Variants in PTGER1 observed in about 807,000 individuals in gnomAD.
The protein encoded by PTGER1 is prostaglandin E2 receptor EP1 subtype.
A neutral mutation model predicts 18.5 loss-of-function variants in PTGER1; 15 were observed. The observed-to-expected ratio is 0.81, with a 90% confidence interval of 0.54 to 1.25. The LOEUF (loss-of-function observed/expected upper bound fraction) is 1.25, where lower values mean the gene tolerates loss of function less well. Ranked by LOEUF, PTGER1 falls within the 50% of genes most tolerant of loss-of-function variation. The probability of loss-of-function intolerance (pLI) is 0.00; values close to 1 mark genes in which losing one functional copy is unlikely to be tolerated. For synonymous variants in PTGER1, 339 were observed against 308.4 expected (o/e 1.10, Z -1.04); for missense variants, 567 against 603.4 (o/e 0.94, Z 0.63).
chr19:14,472,828 T>A lies in PTGER1; in HGVS notation c.943-2A>T, dbSNP rs2071578188. Reference sequence around the variant, plus strand: ...GCCGACGGCCAGCGCCACCAACACCTGCGGGGGAAGCCGGTGTGAGCTATA... The same window carrying A: ...GCCGACGGCCAGCGCCACCAACACCAGCGGGGGAAGCCGGTGTGAGCTATA... On this transcript the variant is annotated splice_acceptor_variant, in intron 2 of 2. Coordinates refer to ENST00000292513, the MANE Select transcript of PTGER1 (RefSeq NM_000955.3). LOFTEE classifies it high-confidence loss of function. 6.5e-7 allele frequency: 1 copy of A among 1,548,022 alleles called. No individual in the cohort carries two copies. Among genetic ancestry groups the A allele is most frequent in the South Asian group, 1.2e-5 (1 of 84,330 alleles).
chr19:14,472,831 G>C lies in PTGER1; in HGVS notation c.943-5C>G. 3 of 1,546,728 alleles carry C rather than the reference G, an allele frequency of 1.9e-6. No homozygotes were observed. Among genetic ancestry groups the C allele is most frequent in the East Asian group, 2.4e-5 (1 of 41,154 alleles). ...GACGGCCAGCGCCACCAACACCTGC[G>C]GGGGAAGCCGGTGTGAGCTATAGAG... On this transcript the variant is annotated splice_polypyrimidine_tract_variant and splice_region_variant and intron_variant, in intron 2 of 2. Transcript: ENST00000292513.
rs2071582489 is a variant in PTGER1 at position 14,473,254 on chromosome 19, C to A, written c.942+125G>T. ...CTGGCTTTCGGGGCAGGTGGGGCCT[C>A]TAGGGGCCGGGGCCTTGGTTGAGTC... On this transcript the variant is annotated intron_variant, in intron 2 of 2. Coordinates refer to ENST00000292513, the MANE Select transcript of PTGER1 (RefSeq NM_000955.3). This position sits in a 1 kb window ranked among gnomAD's most constrained non-coding sequence, Gnocchi z 7.1. The A allele has an allele frequency of 6.8e-7, 1 of 1,460,228 alleles. No homozygotes were observed. The highest frequency in any genetic ancestry group is 2.6e-5 in the East Asian group (1 of 39,048). The allele number at this position is 1,460,228 out of a possible 1,614,324, so 90.5% of individuals were successfully genotyped here. A position where few individuals can be genotyped will look rare whatever the true frequency, so the allele number is the denominator to read the frequency against.
intron 2 of PTGER1, 50 bp from the exon 3 acceptor site, chr19:14,472,876 G>A (rs1431046209): frequency 4.7e-6 from 7 of 1,501,512 alleles, no homozygotes. Flanking sequence ...GCGCAGGGGG[G>A]CGCAGGGATG....
chr19:14,473,146 C>T lies in PTGER1; in HGVS notation c.942+233G>A, dbSNP rs2071581274. Among the ~76,000 whole-genome samples the T allele has an allele frequency of 6.7e-6, 1 of 150,254 alleles. No homozygotes were observed. Among genetic ancestry groups the T allele is most frequent in the Admixed American group, 6.6e-5 (1 of 15,102 alleles). ...GGCAGGAGAGGAGGCTTGTGTGGGTCGGGGTGCGCTACAAAGACCCCAAAA... is the reference window on the plus strand; with the variant it reads ...GGCAGGAGAGGAGGCTTGTGTGGGTTGGGGTGCGCTACAAAGACCCCAAAA... On this transcript the variant is annotated intron_variant, in intron 2 of 2. Coordinates refer to ENST00000292513, the MANE Select transcript of PTGER1 (RefSeq NM_000955.3). This position sits in a 1 kb window ranked among gnomAD's most constrained non-coding sequence, Gnocchi z 7.1.
At chr19:14,472,854 G>T in intron 2 of PTGER1, 28 bp from the exon 3 acceptor site, 1 of 1,528,070 alleles carries the variant, frequency 6.5e-7, no homozygotes, top group South Asian at 1.2e-5. Flanking sequence ...GTGAGCTATA[G>T]AGCAGGCGCG....
At chr19:14,475,046 G>C (rs1158742267) in intron 1 of PTGER1, among the ~76,000 whole-genome samples, 3 of 152,176 alleles carry the variant, frequency 2.0e-5, no homozygotes, top group Admixed American at 2.0e-4. Flanking sequence ...GCGGCCCCAC[G>C]ACCATCCACT....
chr19:14,472,508 C>T lies in PTGER1; in HGVS notation c.*52G>A, dbSNP rs2071574719. ...ATTCCCAAAGGCTCTGCGCCGCGCACCTGGGCCCAGCCCAGGGTGGGCTGG... is the reference window on the plus strand; with the variant it reads ...ATTCCCAAAGGCTCTGCGCCGCGCATCTGGGCCCAGCCCAGGGTGGGCTGG... On this transcript the variant is annotated 3_prime_UTR_variant, in exon 3 of 3. Coordinates refer to ENST00000292513, the MANE Select transcript of PTGER1 (RefSeq NM_000955.3). 6 of 1,490,914 alleles carry T rather than the reference C, an allele frequency of 4.0e-6. No homozygotes were observed. In the East Asian group the frequency reaches 1.4e-4, roughly 35 times the overall value. The allele number at this position is 1,490,914 out of a possible 1,614,324, so 92.4% of individuals were successfully genotyped here.
rs200062997 is a variant in PTGER1, at chr19:14,475,327, G to T, written c.-83C>A. 1.3e-5 allele frequency: 2 copies of T among 152,478 alleles called. No homozygotes were observed. The highest frequency in any genetic ancestry group is 4.8e-5 in the African/African-American group (2 of 41,470). The allele number at this position is 152,478 out of a possible 1,614,324, so 9.4% of individuals were successfully genotyped here. A position where few individuals can be genotyped will look rare whatever the true frequency, so the allele number is the denominator to read the frequency against. On this transcript the variant is annotated 5_prime_UTR_variant, in exon 1 of 3. Coordinates refer to ENST00000292513, the MANE Select transcript of PTGER1 (RefSeq NM_000955.3). ...TCAGCCCTGCCGCCCACTGCGCCCTGGCTCTCCGGCAAGCCGCTTCCTCCC... is the reference window on the plus strand; with the variant it reads ...TCAGCCCTGCCGCCCACTGCGCCCTTGCTCTCCGGCAAGCCGCTTCCTCCC...
chr19:14,473,868 G>T lies in PTGER1; in HGVS notation c.453C>A (p.Val151=). The T allele has an allele frequency of 8.2e-7, 1 of 1,222,550 alleles. No individual in the cohort carries two copies. Among genetic ancestry groups the T allele is most frequent in the Non-Finnish European group, 1.0e-6 (1 of 986,064 alleles). The allele number at this position is 1,222,550 out of a possible 1,614,324, so 75.7% of individuals were successfully genotyped here. Residue 151 remains valine, a synonymous_variant, in exon 2 of 3, where the codon GTC becomes GTA. Transcript: ENST00000292513. The surrounding 1 kb of genome is among the most constrained non-coding windows in gnomAD (Gnocchi z 7.1). ...RPLLHAARVS[V]ARARLALAAV... is the part of the protein sequence containing the mutation. Reference sequence around the variant, plus strand: ...CGGCCAGCGCCAGGCGCGCGCGGGCGACCGAGACCCGCGCGGCGTGGAGCA... The same window carrying T: ...CGGCCAGCGCCAGGCGCGCGCGGGCTACCGAGACCCGCGCGGCGTGGAGCA...
At position 14,473,654 on chromosome 19, in the gene PTGER1, T is replaced by C. The variant is rs1339398609; in HGVS notation, c.667A>G (p.Thr223Ala). 1.4e-6 allele frequency: 2 copies of C among 1,480,142 alleles called. No homozygotes were observed. Among genetic ancestry groups the C allele is most frequent in the Admixed American group, 4.6e-5 (2 of 43,260 alleles). 91.7% of individuals were successfully genotyped at this position (1,480,142 alleles called of 1,614,324 possible). A position where few individuals can be genotyped will look rare whatever the true frequency, so the allele number is the denominator to read the frequency against. Residue 223 changes from threonine to alanine, a missense_variant, in exon 2 of 3, where the codon ACG becomes GCG. Thr to Ala is a moderately conservative substitution (Grantham distance 58). Transcript: ENST00000292513. This position sits in a 1 kb window ranked among gnomAD's most constrained non-coding sequence, Gnocchi z 7.1. ...CGTAGCAGGGCCAGGCCGCTGAGCG[T>C]GTTGCACACCAGCGCGGCGAGGAGC... The part of the protein sequence containing the change: ...VALLAALVCN[T>A]LSGLALLRAR...
At position 14,473,718 on chromosome 19, in the gene PTGER1, TG is replaced by T; in HGVS notation, c.602del (p.Ala201AspfsTer181). 6.8e-7 allele frequency: 1 copy of T among 1,465,772 alleles called. No homozygotes were observed. Among genetic ancestry groups the T allele is most frequent in the Non-Finnish European group, 9.0e-7 (1 of 1,114,422 alleles). The allele number at this position is 1,465,772 out of a possible 1,614,324, so 90.8% of individuals were successfully genotyped here. On this transcript the variant is annotated frameshift_variant, in exon 2 of 3. Coordinates refer to ENST00000292513, the MANE Select transcript of PTGER1 (RefSeq NM_000955.3). LOFTEE classifies it high-confidence loss of function. This position sits in a 1 kb window ranked among gnomAD's most constrained non-coding sequence, Gnocchi z 7.1. ...GLGPPGGWRQALLAGLFASLG... is the reference protein window; with the variant it reads ...GLGPPGGWRQXLLAGLFASLG... ...GGCTGGCGAAGAGGCCAGCAAGCAGTGCCTGGCGCCAGCCGCCCGGGGGACC... is the reference window on the plus strand; with the variant it reads ...GGCTGGCGAAGAGGCCAGCAAGCAGTCCTGGCGCCAGCCGCCCGGGGGACC...
In PTGER1 at chr19:14,474,212, CG is replaced by C. The variant is rs2071594560; in HGVS notation, c.108del (p.Ala37ArgfsTer7). The C allele has an allele frequency of 6.6e-7, 1 of 1,525,678 alleles. No individual in the cohort carries two copies. The highest frequency in any genetic ancestry group is 8.8e-7 in the Non-Finnish European group (1 of 1,142,216). 94.5% of individuals were successfully genotyped at this position (1,525,678 alleles called of 1,614,324 possible). A position where few individuals can be genotyped will look rare whatever the true frequency, so the allele number is the denominator to read the frequency against. On this transcript the variant is annotated frameshift_variant, in exon 2 of 3. Transcript: ENST00000292513. LOFTEE classifies it high-confidence loss of function. The surrounding 1 kb of genome is among the most constrained non-coding windows in gnomAD (Gnocchi z 5.4). ...AGCGTCATGGAGAAGATGGGCAGCG[CG>C]GGCGAAGCGCCCGACGGCGGCACGG... ...TSAVPPSGAS[P>X]ALPIFSMTLG...
rs1034997941 is a variant in PTGER1 at position 14,473,169 on chromosome 19, A to G, written c.942+210T>C. 7.2e-5 allele frequency among the ~76,000 whole-genome samples: 11 copies of G among 151,794 alleles called. No individual in the cohort carries two copies. The highest frequency in any genetic ancestry group is 1.9e-4 in the African/African-American group (8 of 41,334). On this transcript the variant is annotated intron_variant, in intron 2 of 2. Coordinates refer to ENST00000292513, the MANE Select transcript of PTGER1 (RefSeq NM_000955.3). The surrounding 1 kb of genome is among the most constrained non-coding windows in gnomAD (Gnocchi z 7.1). ...GTCGGGGTGCGCTACAAAGACCCCA[A>G]AAAGGAAGAGGAGAGGGGGGCTAGG...
intron 2 of PTGER1, 42 bp from the exon 3 acceptor site, chr19:14,472,868 G>A: frequency 6.6e-7 from 1 of 1,506,098 alleles, no homozygotes. Context: ...AGGCGCGGGC[G>A]CAGGGGGGCG....
In PTGER1 at chr19:14,473,452, G is replaced by A; in HGVS notation, c.869C>T (p.Ala290Val). The A allele has an allele frequency of 6.3e-7, 1 of 1,593,218 alleles. No individual in the cohort carries two copies. The highest frequency in any genetic ancestry group is 8.5e-7 in the Non-Finnish European group (1 of 1,173,190). Residue 290 changes from alanine to valine, a missense_variant, in exon 2 of 3, where the codon GCC (alanine) becomes GTC (valine). Physicochemically the swap from Ala to Val is moderately conservative, Grantham distance 64. Coordinates refer to ENST00000292513, the MANE Select transcript of PTGER1 (RefSeq NM_000955.3). This position sits in a 1 kb window ranked among gnomAD's most constrained non-coding sequence, Gnocchi z 7.1. ...CTGGCCCACCATCTCCACGTCGTGG[G>A]CGCGAGCTCTGCGTGCCGAGCCGCT... ...RSSGSARRAR[A>V]HDVEMVGQLV...
chr19:14,472,978 A>G (rs928170869), intron 2 of PTGER1, 152 bp from the exon 3 acceptor site: 3 of 786,710 alleles, frequency 3.8e-6, no homozygotes, highest in South Asian at 1.9e-5. Flanking sequence ...ACGGATGCGG[A>G]AAAAAAAGGG....
At position 14,472,519 on chromosome 19, in the gene PTGER1, C is replaced by A; in HGVS notation, c.*41G>T. ...CTCTGCGCCGCGCACCTGGGCCCAG[C>A]CCAGGGTGGGCTGGCTTAGTCGTTG... is the stretch of plus-strand genomic sequence containing the variant. On this transcript the variant is annotated 3_prime_UTR_variant, in exon 3 of 3. Transcript: ENST00000292513. 6.6e-7 allele frequency: 1 copy of A among 1,506,376 alleles called. No homozygotes were observed. Among genetic ancestry groups the A allele is most frequent in the Non-Finnish European group, 8.8e-7 (1 of 1,135,468 alleles). The allele number at this position is 1,506,376 out of a possible 1,614,324, so 93.3% of individuals were successfully genotyped here. A position where few individuals can be genotyped will look rare whatever the true frequency, so the allele number is the denominator to read the frequency against.
At position 14,472,597 on chromosome 19, in the gene PTGER1, A is replaced by G; in HGVS notation, c.1172T>C (p.Leu391Pro). 1 of 1,598,358 alleles carries G rather than the reference A, an allele frequency of 6.3e-7. No individual in the cohort carries two copies. The highest frequency in any genetic ancestry group is 2.2e-5 in the East Asian group (1 of 44,540). ...LTPSAWEASS[L>P]RSSRHSGLSH... is the part of the protein sequence containing the mutation. ...GAGGCCGCTGTGCCGGGAGCTGCGC[A>G]GCGAGCTGGCCTCCCAGGCGCTCGG... The change falls in exon 3 of 3, where the codon CTG becomes CCG. Residue 391 changes from leucine (L) to proline (P), a missense_variant. Leu to Pro is a moderately conservative substitution (Grantham distance 98, BLOSUM62 -3). Transcript: ENST00000292513.
chr19:14,474,467 A>G lies in PTGER1; in HGVS notation c.-17-130T>C. 1 of 1,070,926 alleles carries G rather than the reference A, an allele frequency of 9.3e-7. No individual in the cohort carries two copies. Among genetic ancestry groups the G allele is most frequent in the South Asian group, 2.0e-5 (1 of 50,724 alleles). The allele number at this position is 1,070,926 out of a possible 1,614,324, so 66.3% of individuals were successfully genotyped here. A position where few individuals can be genotyped will look rare whatever the true frequency, so the allele number is the denominator to read the frequency against. On this transcript the variant is annotated intron_variant, in intron 1 of 2. Coordinates refer to ENST00000292513, the MANE Select transcript of PTGER1 (RefSeq NM_000955.3). The surrounding 1 kb of genome is among the most constrained non-coding windows in gnomAD (Gnocchi z 5.4). Reference sequence around the variant, plus strand: ...CTCAGGCGGCCCCTCTGCCCATGGCAGTTGCCATGGGCAACTCCAAATGAC... The same window carrying G: ...CTCAGGCGGCCCCTCTGCCCATGGCGGTTGCCATGGGCAACTCCAAATGAC...
Sources: allele counts gnomAD v4.1 joint callset (sites outside exome capture counted in the v4.1 genomes callset), GRCh38; gene constraint gnomAD v4.1.1; non-coding constraint Gnocchi (gnomAD v3.1); transcripts MANE v1.5; gene names NCBI Gene and HGNC (gene_info 2026-07-23, HGNC 2026-07-21).